The following ARHGAP11B variants were observed in gnomAD, a reference collection of about 807,000 sequenced individuals.
ARHGAP11B encodes the protein Rho GTPase activating protein 11B.
In ARHGAP11B, 14 loss-of-function variants were observed where a neutral mutation model predicts 27.6. That is an observed-to-expected ratio of 0.51 (90% CI 0.34 to 0.79). The LOEUF (loss-of-function observed/expected upper bound fraction) is 0.79, where lower values mean the gene tolerates loss of function less well. ARHGAP11B is among the 30% of genes least tolerant of loss of function. ARHGAP11B has a pLI of 0.02. For synonymous variants in ARHGAP11B, 82 were observed against 114.1 expected (o/e 0.72, Z 1.80); for missense variants, 245 against 320.1 (o/e 0.77, Z 1.79).
chr15:30,642,660 C>T (rs1467243584), intron 7 of ARHGAP11B, among the ~76,000 whole-genome samples: 2 of 151,772 alleles, frequency 1.3e-5, no homozygotes, highest in South Asian at 2.1e-4. Flanking sequence ...GTTTTCAGAG[C>T]CTAAAGCCAT....
rs8038419 is a variant in ARHGAP11B, at chr15:30,635,007, A to C, written c.552-73A>C. 6,178 of 1,510,108 alleles carry C rather than the reference A, an allele frequency of 4.1e-3. 220 individuals are homozygous for C. The African/African-American group carries it at 0.073, about 18-fold the overall frequency. 93.5% of individuals were successfully genotyped at this position (1,510,108 alleles called of 1,614,324 possible). A position where few individuals can be genotyped will look rare whatever the true frequency, so the allele number is the denominator to read the frequency against. On this transcript the variant is annotated intron_variant, in intron 4 of 10. Coordinates refer to ENST00000428041, the Ensembl canonical transcript of ARHGAP11B. Reference sequence around the variant, plus strand: ...ACTGATAATAAAGTCTTCAAAATGTACTACATACGTTATTTTAACTCTTCT... The same window carrying C: ...ACTGATAATAAAGTCTTCAAAATGTCCTACATACGTTATTTTAACTCTTCT...
intron 9 of ARHGAP11B, among the ~76,000 whole-genome samples, chr15:30,646,734 C>G (rs539961391): frequency 6.6e-6 from 1 of 151,512 alleles, no homozygotes; most frequent in South Asian, 2.1e-4. Flanking sequence ...CTTTGGGAGG[C>G]TGAGGCGGGT....
chr15:30,635,646 C>T lies in ARHGAP11B; in HGVS notation c.*3+13C>T, dbSNP rs962673588. 1.2e-6 allele frequency: 2 copies of T among 1,612,902 alleles called. No homozygotes were observed. The highest frequency in any genetic ancestry group is 1.1e-5 in the South Asian group (1 of 91,034). ...CAACGTGTAGGAGGTAAGTGGTGGT[C>T]CCATTTTATGGAGGTACAGTGATTT... On this transcript the variant is annotated intron_variant, in intron 6 of 10. Coordinates refer to ENST00000428041, the Ensembl canonical transcript of ARHGAP11B.
intron 1 of ARHGAP11B, 48 bp from the exon 2 acceptor site, chr15:30,630,655 A>T (rs1466398475): frequency 6.4e-6 from 10 of 1,551,086 alleles, no homozygotes; most frequent in Non-Finnish European, 8.7e-6. Context: ...AAGAAAACTG[A>T]TATTATGCCT....
intron 1 of ARHGAP11B, among the ~76,000 whole-genome samples, chr15:30,629,388 T>C (rs933479992): frequency 3.3e-5 from 5 of 151,864 alleles, no homozygotes; most frequent in African/African-American, 7.2e-5. Context: ...CACGTCTCTA[T>C]TAAAAATACA....
At chr15:30,630,868 C>T in intron 2 of ARHGAP11B, 95 bp downstream of exon 2, 1 of 1,600,286 alleles carries the variant, frequency 6.2e-7, no homozygotes. Context: ...TCACTTGAGT[C>T]CGGGAGCTTA....
intron 6 of ARHGAP11B, among the ~76,000 whole-genome samples, chr15:30,637,278 T>C (rs917031126): frequency 6.6e-6 from 1 of 152,024 alleles, no homozygotes; most frequent in African/African-American, 2.4e-5. Flanking sequence ...ATCCTCTTTA[T>C]CCTGGTTCTG....
intron 6 of ARHGAP11B, 98 bp downstream of exon 6, chr15:30,635,731 G>A (rs2060276260): frequency 8.1e-7 from 1 of 1,238,174 alleles, no homozygotes; most frequent in Non-Finnish European, 1.1e-6. Context: ...TGCCTTTTTG[G>A]TGCTTAAAGC....
intron 1 of ARHGAP11B, among the ~76,000 whole-genome samples, chr15:30,629,426 C>T (rs71397301): frequency 0.082 from 12,417 of 152,002 alleles, 764 homozygotes; most frequent in Middle Eastern, 0.15. Context: ...TGGTGGCGGG[C>T]GCCTGTAGTC....
chr15:30,645,686 CATGTT>C (rs2060343274), intron 8 of ARHGAP11B, among the ~76,000 whole-genome samples: 1 of 151,898 alleles, frequency 6.6e-6, no homozygotes, highest in African/African-American at 2.4e-5. Flanking sequence ...TTTTAGCTAT[CATGTT>C]ATCCTCGTTA....
intron 6 of ARHGAP11B, 106 bp from the exon 7 acceptor site, chr15:30,638,640 G>A (rs1595676384): frequency 5.3e-6 from 3 of 568,162 alleles, no homozygotes; most frequent in Non-Finnish European, 9.0e-6. Context: ...AAATTTATAA[G>A]CCGATGTAAA....
At chr15:30,630,578 A>C in intron 1 of ARHGAP11B, 125 bp from the exon 2 acceptor site, 1 of 1,532,176 alleles carries the variant, frequency 6.5e-7, no homozygotes, top group Non-Finnish European at 8.8e-7. Context: ...TTTTGTCTTG[A>C]TTGATAGTTT....
intron 7 of ARHGAP11B, among the ~76,000 whole-genome samples, chr15:30,639,117 C>T (rs2060299969): frequency 6.6e-6 from 1 of 152,074 alleles, no homozygotes; most frequent in African/African-American, 2.4e-5. Flanking sequence ...AATAGTTCAA[C>T]CTCATTTTTA....
Position 30,632,451 on chromosome 15 carries a change from C to T in ARHGAP11B, c.201-1039C>T, listed in dbSNP as rs113678580. 7.7e-3 allele frequency among the ~76,000 whole-genome samples: 1,167 copies of T among 151,886 alleles called. 19 individuals carry two copies. The highest frequency in any genetic ancestry group is 0.027 in the African/African-American group (1,115 of 41,418). ...AGAAAAAAAAAAAGCAGATTTTCGGCGTCTGGAATTGCAAAGTCATATTCC... is the reference window on the plus strand; with the variant it reads ...AGAAAAAAAAAAAGCAGATTTTCGGTGTCTGGAATTGCAAAGTCATATTCC... On this transcript the variant is annotated intron_variant, in intron 2 of 10. Coordinates refer to ENST00000428041, the Ensembl canonical transcript of ARHGAP11B.
intron 8 of ARHGAP11B, among the ~76,000 whole-genome samples, chr15:30,645,354 G>GCTA (rs2060340659): frequency 6.6e-6 from 1 of 151,722 alleles, no homozygotes; most frequent in African/African-American, 2.4e-5. Flanking sequence ...AAATAAACTA[G>GCTA]CTAAGGGTTT....
intron 7 of ARHGAP11B, among the ~76,000 whole-genome samples, chr15:30,643,468 G>A (rs1190767677): frequency 1.3e-5 from 2 of 151,846 alleles, no homozygotes; most frequent in Admixed American, 1.3e-4. Context: ...TAGTAGAGAC[G>A]GGATTTTATC....
intron 6 of ARHGAP11B, among the ~76,000 whole-genome samples, chr15:30,637,131 AATAG>A (rs1807986058): frequency 6.6e-6 from 1 of 151,736 alleles, no homozygotes; most frequent in South Asian, 2.1e-4. Flanking sequence ...ATCACATCTA[AATAG>A]ATAACCACCA....
chr15:30,629,377 C>G (rs1461636482), intron 1 of ARHGAP11B, among the ~76,000 whole-genome samples: 1 of 151,962 alleles, frequency 6.6e-6, no homozygotes, highest in South Asian at 2.1e-4. Flanking sequence ...CCCCCCCGCC[C>G]CACGTCTCTA....
rs1014151045 is a variant in ARHGAP11B at position 30,644,507 on chromosome 15, A to T, written c.*79-132A>T. 154 of 561,884 alleles carry T rather than the reference A, an allele frequency of 2.7e-4. 1 individual carries two copies. The highest frequency in any genetic ancestry group is 1.0e-3 in the Middle Eastern group (2 of 1,966). The allele number at this position is 561,884 out of a possible 1,614,324, so 34.8% of individuals were successfully genotyped here. A position where few individuals can be genotyped will look rare whatever the true frequency, so the allele number is the denominator to read the frequency against. On this transcript the variant is annotated intron_variant, in intron 7 of 10. Transcript: ENST00000428041. Reference sequence around the variant, plus strand: ...TTTAATCTGAAAAGGCATCGTTCTTATTGTTTTTGGTAACAAATTTTACAC... The same window carrying T: ...TTTAATCTGAAAAGGCATCGTTCTTTTTGTTTTTGGTAACAAATTTTACAC...
Sources: allele counts gnomAD v4.1 joint callset (sites outside exome capture counted in the v4.1 genomes callset), GRCh38; gene constraint gnomAD v4.1.1; transcripts MANE v1.5; gene names NCBI Gene and HGNC (gene_info 2026-07-23, HGNC 2026-07-21).